PLXNA4: variants seen among roughly 807,000 people sequenced by gnomAD.
PLXNA4 encodes plexin-A4.
Under a neutral mutation model 191.8 loss-of-function variants are expected in PLXNA4, and 44 were observed. That is an observed-to-expected ratio of 0.23 (90% CI 0.18 to 0.29). The LOEUF is 0.29. Among genes scored for constraint, PLXNA4 ranks in the 10% least tolerant of loss-of-function variants. The pLI is 1.00. For missense variants in PLXNA4, 1,800 were observed against 2,488.8 expected (o/e 0.72, Z 5.89); for synonymous variants, 1,082 against 1,009.5 (o/e 1.07, Z -1.36).
At chr7:132,317,317 A>ATTGAG (rs1289311258) in intron 3 of PLXNA4, among the ~76,000 whole-genome samples, 2 of 143,422 alleles carry the variant, frequency 1.4e-5, no homozygotes, top group Non-Finnish European at 3.0e-5. Flanking sequence ...GCTGAATTGG[A>ATTGAG]TTGAGTTGGG....
intron 3 of PLXNA4, among the ~76,000 whole-genome samples, chr7:132,324,828 G>A (rs1314268979): frequency 1.3e-5 from 2 of 152,182 alleles, no homozygotes; most frequent in East Asian, 3.8e-4. Flanking sequence ...GAAATGGGGT[G>A]ATAACTGAAT....
In PLXNA4 at chr7:132,396,765, T is replaced by G. The variant is rs572372870; in HGVS notation, c.1371+92527A>C. Reference sequence around the variant, plus strand: ...CCTCAGTCTCCCAGTGTGCTGGGATTACAGGTGTGAGCCACCGCGCCTGGC... The same window carrying G: ...CCTCAGTCTCCCAGTGTGCTGGGATGACAGGTGTGAGCCACCGCGCCTGGC... On this transcript the variant is annotated intron_variant, in intron 3 of 31. Coordinates refer to ENST00000321063, the MANE Select transcript of PLXNA4 (RefSeq NM_020911.2). Among the ~76,000 whole-genome samples, 585 of 152,364 alleles carry G rather than the reference T, an allele frequency of 3.8e-3. 4 individuals carry two copies. Among genetic ancestry groups the G allele is most frequent in the Non-Finnish European group, 4.6e-3 (310 of 68,026 alleles).
Position 132,225,627 on chromosome 7 carries a change from C to A in PLXNA4, c.1982+534G>T, listed in dbSNP as rs529904589. 1.0e-3 allele frequency among the ~76,000 whole-genome samples: 154 copies of A among 150,246 alleles called. 1 individual carries two copies. The highest frequency in any genetic ancestry group is 3.2e-3 in the Admixed American group (48 of 15,082). Reference sequence around the variant, plus strand: ...CTAAGCCAGAGTCCGCCCCCCCCCACAGCTTTCTGCCTCCCTCTGGCCCTT... The same window carrying A: ...CTAAGCCAGAGTCCGCCCCCCCCCAAAGCTTTCTGCCTCCCTCTGGCCCTT... On this transcript the variant is annotated intron_variant, in intron 8 of 31. Transcript: ENST00000321063.
intron 3 of PLXNA4, among the ~76,000 whole-genome samples, chr7:132,471,257 AC>A (rs1796923972): frequency 6.6e-6 from 1 of 152,168 alleles, no homozygotes; most frequent in African/African-American, 2.4e-5. Flanking sequence ...ACCCTGTAGG[AC>A]CATGAGCCAA....
At chr7:132,145,523 A>T in intron 28 of PLXNA4, 1 of 544,632 alleles carries the variant, frequency 1.8e-6, no homozygotes, top group Admixed American at 3.5e-5. Context: ...GGACCTACGT[A>T]AGGCTTCCTC....
intron 1 of PLXNA4, among the ~76,000 whole-genome samples, chr7:132,511,171 T>C (rs1387836075): frequency 6.6e-6 from 1 of 152,174 alleles, no homozygotes; most frequent in African/African-American, 2.4e-5. Context: ...GCTGGAAGCA[T>C]AGACGAATAC....
chr7:132,439,140 G>C (rs1795589146), intron 3 of PLXNA4, among the ~76,000 whole-genome samples: 1 of 152,218 alleles, frequency 6.6e-6, no homozygotes, highest in Non-Finnish European at 1.5e-5. Flanking sequence ...TTGAGAAGCA[G>C]AAAATAATCT....
At chr7:132,159,784 C>T (rs2116629019) in intron 24 of PLXNA4, 152 bp from the exon 25 acceptor site, 1 of 1,269,418 alleles carries the variant, frequency 7.9e-7, no homozygotes, top group Non-Finnish European at 1.1e-6. Context: ...CATCTGTGCT[C>T]CCACCAAGCC....
chr7:132,393,472 G>GA (rs1278128188), intron 3 of PLXNA4, among the ~76,000 whole-genome samples: 1 of 152,158 alleles, frequency 6.6e-6, no homozygotes, highest in Non-Finnish European at 1.5e-5. Flanking sequence ...ATTTGGGCAT[G>GA]GCTGATTATC....
intron 3 of PLXNA4, among the ~76,000 whole-genome samples, chr7:132,375,977 C>G (rs1804641824): frequency 6.6e-6 from 1 of 152,204 alleles, no homozygotes; most frequent in African/African-American, 2.4e-5. Flanking sequence ...AAAGAGCAGA[C>G]AGTAGAGTTT....
intron 3 of PLXNA4, among the ~76,000 whole-genome samples, chr7:132,340,973 T>G (rs1250439992): frequency 6.6e-6 from 1 of 152,138 alleles, no homozygotes; most frequent in African/African-American, 2.4e-5. Context: ...GTCACCACAC[T>G]TGGCCTCTTC....
chr7:132,333,247 C>T (rs1003259051), intron 3 of PLXNA4, among the ~76,000 whole-genome samples: 12 of 152,192 alleles, frequency 7.9e-5, no homozygotes, highest in Admixed American at 3.9e-4. Flanking sequence ...GGGAAGGGGT[C>T]TCCACAACTG....
intron 3 of PLXNA4, among the ~76,000 whole-genome samples, chr7:132,366,301 G>A (rs774298926): frequency 3.3e-5 from 5 of 152,070 alleles, no homozygotes; most frequent in Non-Finnish European, 4.4e-5. Flanking sequence ...TGAGGCAGGC[G>A]GATCACAAGG....
chr7:132,327,474 C>T (rs1238885523), intron 3 of PLXNA4, among the ~76,000 whole-genome samples: 2 of 152,058 alleles, frequency 1.3e-5, no homozygotes, highest in East Asian at 3.9e-4. Context: ...TCACCCCTAC[C>T]CACAAACCTT....
At chr7:132,411,411 A>G (rs577481657) in intron 3 of PLXNA4, among the ~76,000 whole-genome samples, 27 of 152,310 alleles carry the variant, frequency 1.8e-4, no homozygotes, top group Non-Finnish European at 1.6e-4. Context: ...GATGAAGGGT[A>G]TGTTACGGGC....
intron 1 of PLXNA4, among the ~76,000 whole-genome samples, chr7:132,528,999 C>T (rs1799518850): frequency 6.6e-6 from 1 of 152,224 alleles, no homozygotes; most frequent in African/African-American, 2.4e-5. Context: ...ACAGCAACAG[C>T]CATTCTTTCA....
At chr7:132,406,003 A>T (rs1421431413) in intron 3 of PLXNA4, among the ~76,000 whole-genome samples, 1 of 152,202 alleles carries the variant, frequency 6.6e-6, no homozygotes, top group Non-Finnish European at 1.5e-5. Context: ...TGGCTTGGAA[A>T]GCACCATTTG....
chr7:132,308,841 CTA>C (rs1801622132), intron 3 of PLXNA4, among the ~76,000 whole-genome samples: 1 of 152,114 alleles, frequency 6.6e-6, no homozygotes, highest in African/African-American at 2.4e-5. Flanking sequence ...GAATGGATCT[CTA>C]TGATTTTCAT....
intron 3 of PLXNA4, among the ~76,000 whole-genome samples, chr7:132,465,184 AC>A (rs35569780): frequency 2.0e-5 from 3 of 151,204 alleles, no homozygotes; most frequent in African/African-American, 4.9e-5. Context: ...TTCAGTCTAG[AC>A]CCCCCCACCA....
Sources: gnomAD v4.1 joint callset for allele counts (sites outside exome capture counted in the v4.1 genomes callset) on GRCh38, gnomAD v4.1.1 for gene constraint, MANE v1.5 for transcripts, NCBI Gene and HGNC (gene_info 2026-07-23, HGNC 2026-07-21) for gene names.